Variants in MTHFSD observed in about 807,000 individuals in gnomAD.
MTHFSD encodes methenyltetrahydrofolate synthetase domain containing, also known as methenyltetrahydrofolate synthase domain-containing protein.
A neutral mutation model predicts 31.1 loss-of-function variants in MTHFSD; 37 were observed. That is an observed-to-expected ratio of 1.19 (90% CI 0.91 to 1.56). The LOEUF (loss-of-function observed/expected upper bound fraction) is 1.56. Ranked by LOEUF, MTHFSD falls within the 40% of genes most tolerant of loss-of-function variation. MTHFSD has a pLI of 0.00. For synonymous variants in MTHFSD, 221 were observed against 206.9 expected, an observed-to-expected ratio of 1.07 and a Z score of -0.59; for missense variants, 664 against 510.1, an observed-to-expected ratio of 1.30 and a Z score of -2.91.
rs953140970 is a variant in MTHFSD, at chr16:86,532,045, C to G, written c.1118G>C (p.Arg373Thr). 3 of 1,501,770 alleles carry G rather than the reference C, an allele frequency of 2.0e-6. No individual in the cohort carries two copies. The highest frequency in any genetic ancestry group is 2.8e-5 in the African/African-American group (2 of 71,450). 93.0% of individuals were successfully genotyped at this position (1,501,770 alleles called of 1,614,324 possible). The part of the protein sequence containing the change: ...QGLRLGTDTL[R>T]VALARQQRDK Reference sequence around the variant, plus strand: ...CCTCTGCTGCCTGGCCAGCGCCACCCTCAGGGTGTCGGTGCCCAGGCGCAG... The same window carrying G: ...CCTCTGCTGCCTGGCCAGCGCCACCGTCAGGGTGTCGGTGCCCAGGCGCAG... The change falls in exon 8 of 8, where the codon AGG (arginine) becomes ACG (threonine). Residue 373 changes from arginine to threonine, a missense_variant. By Grantham distance (71) the Arg-to-Thr change is moderately conservative. Transcript: ENST00000360900.
In MTHFSD at chr16:86,532,032, G is replaced by A. The variant is rs772288811; in HGVS notation, c.1131C>T (p.Ala377=). Residue 377 remains alanine, a synonymous_variant, in exon 8 of 8, where the codon GCC becomes GCT. Coordinates refer to ENST00000360900, the MANE Select transcript of MTHFSD (RefSeq NM_001159377.2). ...LGTDTLRVAL[A]RQQRDK ...GAGGTCACTTGTCCCTCTGCTGCCT[G>A]GCCAGCGCCACCCTCAGGGTGTCGG... is the stretch of plus-strand genomic sequence containing the variant. 1 of 1,485,918 alleles carries A rather than the reference G, an allele frequency of 6.7e-7. No individual in the cohort carries two copies. The highest frequency in any genetic ancestry group is 8.9e-7 in the Non-Finnish European group (1 of 1,123,462). 92.0% of individuals were successfully genotyped at this position (1,485,918 alleles called of 1,614,324 possible).
At chr16:86,541,622 A>G (rs773601280) in intron 7 of MTHFSD, 75 bp downstream of exon 7, 2 of 1,555,568 alleles carry the variant, frequency 1.3e-6, no homozygotes, top group African/African-American at 1.4e-5. Flanking sequence ...AACAGCTCCC[A>G]TGCCAGACAG....
chr16:86,539,800 C>G (rs745999009), intron 7 of MTHFSD, among the ~76,000 whole-genome samples: 3 of 152,126 alleles, frequency 2.0e-5, no homozygotes, highest in African/African-American at 7.2e-5. Flanking sequence ...ACTGTCTTTG[C>G]GTATTGAAAA....
intron 5 of MTHFSD, among the ~76,000 whole-genome samples, chr16:86,546,163 C>G (rs1348798873): frequency 6.6e-6 from 1 of 152,380 alleles, no homozygotes; most frequent in African/African-American, 2.4e-5. Context: ...GTTCAAGAGT[C>G]TGCTGCTTCA....
intron 1 of MTHFSD, 142 bp from the exon 2 acceptor site, chr16:86,554,893 T>C: frequency 9.5e-7 from 1 of 1,056,646 alleles, no homozygotes; most frequent in East Asian, 2.6e-5. Context: ...TTCCCCGACC[T>C]CAAGGGGCCC....
chr16:86,543,508 CA>C (rs1257101933), intron 5 of MTHFSD, among the ~76,000 whole-genome samples: 1 of 152,210 alleles, frequency 6.6e-6, no homozygotes, highest in Non-Finnish European at 1.5e-5. Flanking sequence ...CGTATGCATC[CA>C]TCGGCGGGGG....
intron 7 of MTHFSD, chr16:86,541,083 T>C (rs1971443146): frequency 7.9e-7 from 1 of 1,264,618 alleles, no homozygotes; most frequent in South Asian, 1.3e-5. Context: ...GAAGCACAAA[T>C]GTCTTCTCAG....
intron 5 of MTHFSD, among the ~76,000 whole-genome samples, chr16:86,545,830 C>T (rs148442790): frequency 1.1e-4 from 17 of 152,336 alleles, no homozygotes; most frequent in Admixed American, 3.9e-4. Context: ...CAGAACAGTG[C>T]GCTCCTGAGT....
intron 5 of MTHFSD, among the ~76,000 whole-genome samples, chr16:86,545,223 T>C (rs1248416970): frequency 2.0e-5 from 3 of 151,996 alleles, no homozygotes; most frequent in African/African-American, 7.3e-5. Flanking sequence ...AAAAAAAAGA[T>C]ATCTGTGTCT....
intron 2 of MTHFSD, 178 bp from the exon 3 acceptor site, chr16:86,552,324 G>C (rs1190893462): frequency 2.0e-6 from 3 of 1,519,352 alleles, no homozygotes; most frequent in Admixed American, 2.1e-5. Flanking sequence ...GTTACTGAAA[G>C]GACAGCACGC....
intron 3 of MTHFSD, among the ~76,000 whole-genome samples, chr16:86,549,244 G>A (rs1003860391): frequency 1.3e-5 from 2 of 152,234 alleles, no homozygotes; most frequent in Non-Finnish European, 2.9e-5. Flanking sequence ...GGGGAGCTTC[G>A]ATGAGCCTTC....
chr16:86,539,664 A>T (rs1971209561), intron 7 of MTHFSD, among the ~76,000 whole-genome samples: 1 of 152,232 alleles, frequency 6.6e-6, no homozygotes, highest in South Asian at 2.1e-4. Context: ...GTTGATGGTC[A>T]ATCAAGGAGA....
chr16:86,534,677 T>C (rs1285999706), intron 7 of MTHFSD, among the ~76,000 whole-genome samples: 2 of 152,236 alleles, frequency 1.3e-5, no homozygotes, highest in Admixed American at 6.5e-5. Flanking sequence ...AAACAGATGA[T>C]ACAATTTAAA....
chr16:86,533,146 T>C (rs1970210862), intron 7 of MTHFSD: 1 of 152,236 alleles, frequency 6.6e-6, no homozygotes. Context: ...AAGTCTCAAT[T>C]GTATGCGACT....
intron 3 of MTHFSD, among the ~76,000 whole-genome samples, chr16:86,550,218 G>A (rs1232556176): frequency 6.6e-6 from 1 of 152,192 alleles, no homozygotes; most frequent in Non-Finnish European, 1.5e-5. Flanking sequence ...AACCACTGAG[G>A]ACCCTGAAAG....
At chr16:86,548,354 C>G (rs1181606742) in intron 4 of MTHFSD, 110 bp downstream of exon 4, 1 of 999,690 alleles carries the variant, frequency 1.0e-6, no homozygotes, top group Non-Finnish European at 1.5e-6. Context: ...GTTCTTTTGG[C>G]TCTGTTAAAA....
Position 86,554,714 on chromosome 16 carries a change from C to T in MTHFSD, c.54G>A (p.Trp18Ter). ...CTAAATTTTGTGATTCCATGTAGCC[C>T]CAAATTTGTTCACGTATGTCCTGTT... ...VSKQDIREQI[W>*]GYMESQNLAD... is the part of the protein sequence containing the mutation. Residue 18 changes from tryptophan to a stop codon, truncating the protein, a stop_gained, in exon 2 of 8, where the codon TGG becomes TGA. Coordinates refer to ENST00000360900, the MANE Select transcript of MTHFSD (RefSeq NM_001159377.2). LOFTEE classifies it high-confidence loss of function. 1.9e-6 allele frequency: 3 copies of T among 1,614,162 alleles called. No homozygotes were observed. Among genetic ancestry groups the T allele is most frequent in the Non-Finnish European group, 2.5e-6 (3 of 1,180,002 alleles).
chr16:86,550,560 T>A (rs1972990382), intron 3 of MTHFSD, among the ~76,000 whole-genome samples: 2 of 152,178 alleles, frequency 1.3e-5, no homozygotes, highest in South Asian at 4.1e-4. Flanking sequence ...TAACCTGAGG[T>A]GGAGCCTCTC....
At chr16:86,540,757 T>A (rs1164564758) in intron 7 of MTHFSD, 2 of 990,846 alleles carry the variant, frequency 2.0e-6, no homozygotes, top group African/African-American at 3.5e-5. Flanking sequence ...AGTGACCACC[T>A]TCTTTCCCAG....
Sources: allele counts gnomAD v4.1 joint callset (sites outside exome capture counted in the v4.1 genomes callset), GRCh38; gene constraint gnomAD v4.1.1; transcripts MANE v1.5; gene names NCBI Gene and HGNC (gene_info 2026-07-23, HGNC 2026-07-21).